The following CACNA1C variants were observed in gnomAD, a reference collection of about 807,000 sequenced individuals.
The protein encoded by CACNA1C is calcium voltage-gated channel subunit alpha1 C.
CACNA1C carries 30 observed loss-of-function variants against 229.0 expected under a neutral mutation model. The observed-to-expected ratio is 0.13, with a 90% CI of 0.10 to 0.18. The LOEUF is 0.18. Among genes scored for constraint, CACNA1C ranks in the 10% least tolerant of loss-of-function variants. The pLI is 1.00. For synonymous variants in CACNA1C, 1,114 were observed against 1,132.5 expected, an observed-to-expected ratio of 0.98 and a Z score of 0.33; for missense variants, 1,658 against 2,845.0, an observed-to-expected ratio of 0.58 and a Z score of 9.49.
At chr12:2,140,840 C>T (rs1034051177) in intron 3 of CACNA1C, among the ~76,000 whole-genome samples, 1 of 151,360 alleles carries the variant, frequency 6.6e-6, no homozygotes, top group Non-Finnish European at 1.5e-5. Flanking sequence ...TAAGAGCTTA[C>T]GTTCTTATGA....
At chr12:2,625,215 A>G (rs891765690) in intron 29 of CACNA1C, among the ~76,000 whole-genome samples, 1 of 152,238 alleles carries the variant, frequency 6.6e-6, no homozygotes, top group African/African-American at 2.4e-5. Flanking sequence ...AAAAATAATT[A>G]TATGACTTGC....
chr12:2,039,397 G>A (rs1566002700), intron 1 of CACNA1C, among the ~76,000 whole-genome samples: 2 of 152,160 alleles, frequency 1.3e-5, no homozygotes, highest in East Asian at 1.9e-4. Flanking sequence ...CCTGTAATAT[G>A]CCTGAAATTG....
In CACNA1C at chr12:2,685,721, A is replaced by C. The variant is rs758777544; in HGVS notation, c.5574-15A>C. On this transcript the variant is annotated splice_polypyrimidine_tract_variant and intron_variant, in intron 43 of 46. Coordinates refer to ENST00000399655, the MANE Select transcript of CACNA1C (RefSeq NM_000719.7). ...TCAGCCTCCAGGAACAAGCCCCATG[A>C]GCTCTCTGTTCCAGGCTCTCCTACC... 4 of 1,600,964 alleles carry C rather than the reference A, an allele frequency of 2.5e-6. No individual in the cohort carries two copies. Among genetic ancestry groups the C allele is most frequent in the Non-Finnish European group, 8.6e-7 (1 of 1,168,044 alleles).
At chr12:2,310,196 G>A (rs944744829) in intron 3 of CACNA1C, among the ~76,000 whole-genome samples, 1 of 152,024 alleles carries the variant, frequency 6.6e-6, no homozygotes, top group Non-Finnish European at 1.5e-5. Context: ...CAAGGAAACT[G>A]AGGTGCTCGG....
At position 2,607,078 on chromosome 12, in the gene CACNA1C, C is replaced by G; in HGVS notation, c.3304C>G (p.Leu1102Val). ...ENSKFDFDNV[L>V]AAMMALFTVS... ...CAGCAAGTTTGACTTTGACAATGTT[C>G]TGGCAGCCATGATGGCCCTCTTCAC... The change falls in exon 26 of 47, where the codon CTG (leucine) becomes GTG (valine). Residue 1102 changes from leucine (L) to valine (V), a missense_variant. Physicochemically the swap from Leu to Val is conservative, Grantham distance 32. Around this residue, in one of 20 missense-constraint regions of CACNA1C, gnomAD observed 77 missense variants for 130.9 expected, o/e 0.59. Coordinates refer to ENST00000399655, the MANE Select transcript of CACNA1C (RefSeq NM_000719.7). 2 of 1,613,980 alleles carry G rather than the reference C, an allele frequency of 1.2e-6. No homozygotes were observed. Among genetic ancestry groups the G allele is most frequent in the Non-Finnish European group, 8.5e-7 (1 of 1,179,904 alleles).
chr12:2,685,565 G>A (rs1175520966), intron 43 of CACNA1C, among the ~76,000 whole-genome samples, 171 bp from the exon 44 acceptor site: 1 of 152,156 alleles, frequency 6.6e-6, no homozygotes, highest in Admixed American at 6.5e-5. Flanking sequence ...GAAGACGTCA[G>A]GGGCAGGCCA....
chr12:2,521,452 C>T (rs1320040478), intron 9 of CACNA1C, among the ~76,000 whole-genome samples: 2 of 152,200 alleles, frequency 1.3e-5, no homozygotes, highest in East Asian at 3.8e-4. Flanking sequence ...AACTGCCAGG[C>T]ACACTGGGGG....
chr12:2,305,814 C>T (rs2094960746), intron 3 of CACNA1C, among the ~76,000 whole-genome samples: 1 of 152,220 alleles, frequency 6.6e-6, no homozygotes, highest in Non-Finnish European at 1.5e-5. Flanking sequence ...CTGCATGCCA[C>T]CCTGGGTGAC....
At chr12:2,427,466 T>C (rs995935918) in intron 3 of CACNA1C, among the ~76,000 whole-genome samples, 1 of 152,078 alleles carries the variant, frequency 6.6e-6, no homozygotes, top group Middle Eastern at 3.2e-3. Context: ...AGAGCCTGGG[T>C]GTCACTGGAT....
intron 3 of CACNA1C, among the ~76,000 whole-genome samples, chr12:2,355,152 G>C (rs1044255047): frequency 6.6e-6 from 1 of 152,192 alleles, no homozygotes; most frequent in African/African-American, 2.4e-5. Flanking sequence ...GCATAGAAAA[G>C]GGTTTTCCAA....
At chr12:2,448,525 A>C (rs550305763) in intron 3 of CACNA1C, among the ~76,000 whole-genome samples, 1 of 152,226 alleles carries the variant, frequency 6.6e-6, no homozygotes, top group African/African-American at 2.4e-5. Flanking sequence ...CCCCAAGACC[A>C]AGTCTGCTGT....
At chr12:2,435,030 T>G (rs564584931) in intron 3 of CACNA1C, among the ~76,000 whole-genome samples, 1 of 152,126 alleles carries the variant, frequency 6.6e-6, no homozygotes, top group African/African-American at 2.4e-5. Context: ...GAGTGTAGAC[T>G]CTTCCTGCGA....
In CACNA1C at chr12:2,136,880, C is replaced by A. The variant is rs977486663; in HGVS notation, c.477+16450C>A. 8.6e-5 allele frequency among the ~76,000 whole-genome samples: 13 copies of A among 151,354 alleles called. 1 individual carries two copies. The highest frequency in any genetic ancestry group is 3.1e-4 in the African/African-American group (13 of 41,388). On this transcript the variant is annotated intron_variant, in intron 3 of 46. Transcript: ENST00000399655. ...AGAATCTCTGGTTGGGGTGAGGGAA[C>A]CCAGAATCAGCCTGACTTTCTGAGA...
intron 43 of CACNA1C, among the ~76,000 whole-genome samples, chr12:2,684,518 C>T (rs1311673678): frequency 1.3e-5 from 2 of 152,096 alleles, no homozygotes; most frequent in Non-Finnish European, 2.9e-5. Context: ...CTTGGTGCAC[C>T]AGGCACTCTG....
Position 2,099,927 on chromosome 12 carries a change from T to C in CACNA1C, c.50-15297T>C, listed in dbSNP as rs149747618. Reference sequence around the variant, plus strand: ...CTATGAGATAGGCAGTGTTATTATCTGCTTTTTACAAGTGAGGAAGCTGAG... The same window carrying C: ...CTATGAGATAGGCAGTGTTATTATCCGCTTTTTACAAGTGAGGAAGCTGAG... On this transcript the variant is annotated intron_variant, in intron 1 of 46. Transcript: ENST00000399655. Among the ~76,000 whole-genome samples the C allele has an allele frequency of 4.4e-3, 672 of 152,284 alleles. 4 individuals are homozygous for C. The highest frequency in any genetic ancestry group is 0.016 in the African/African-American group (651 of 41,554).
At chr12:2,426,944 T>C (rs2099038127) in intron 3 of CACNA1C, among the ~76,000 whole-genome samples, 1 of 152,248 alleles carries the variant, frequency 6.6e-6, no homozygotes, top group Non-Finnish European at 1.5e-5. Context: ...TTCCACCATA[T>C]TCTTTTGGTC....
Position 2,493,263 on chromosome 12 carries a change from G to T in CACNA1C, c.990G>T (p.Thr330=). 1 of 1,614,018 alleles carries T rather than the reference G, an allele frequency of 6.2e-7. No homozygotes were observed. The highest frequency in any genetic ancestry group is 1.1e-5 in the South Asian group (1 of 91,074). Residue 330 remains threonine (T), a synonymous_variant, in exon 7 of 47, where the codon ACG becomes ACT. Transcript: ENST00000399655. The surrounding 1 kb of genome is among the most constrained non-coding windows in gnomAD (Gnocchi z 4.6). ...ACGGGCGGCAGTGCCAGAACGGCAC[G>T]GTGTGCAAGCCCGGCTGGGATGGTC... ...TGHGRQCQNG[T]VCKPGWDGPK... is the part of the protein sequence containing the mutation.
intron 9 of CACNA1C, among the ~76,000 whole-genome samples, chr12:2,541,862 C>T (rs1025490925): frequency 1.3e-4 from 20 of 152,226 alleles, no homozygotes; most frequent in Non-Finnish European, 1.5e-5. Flanking sequence ...TGTTTCATCT[C>T]GCCCCACATC....
At position 2,678,748 on chromosome 12, in the gene CACNA1C, A is replaced by T. The variant is rs556756512; in HGVS notation, c.5092-696A>T. Among the ~76,000 whole-genome samples, 150 of 152,284 alleles carry T rather than the reference A, an allele frequency of 9.9e-4. No homozygotes were observed. Among genetic ancestry groups the T allele is most frequent in the Non-Finnish European group, 1.7e-3 (116 of 68,008 alleles). On this transcript the variant is annotated intron_variant, in intron 41 of 46. Coordinates refer to ENST00000399655, the MANE Select transcript of CACNA1C (RefSeq NM_000719.7). The surrounding 1 kb of genome is among the most constrained non-coding windows in gnomAD (Gnocchi z 4.1). ...CATGGCATGGTGGTGACACAACCCG[A>T]CAAGACACCAGAAACCAAAGCCTCA...
Sources: gnomAD v4.1 joint callset for allele counts (sites outside exome capture counted in the v4.1 genomes callset) on GRCh38, gnomAD v4.1.1 for gene constraint, gnomAD v4.1.1 regional missense constraint, Gnocchi (gnomAD v3.1) non-coding constraint, MANE v1.5 for transcripts, NCBI Gene and HGNC (gene_info 2026-07-23, HGNC 2026-07-21) for gene names.